The following NPEPL1 variants were observed in gnomAD, a reference collection of about 807,000 sequenced individuals.
NPEPL1 encodes probable aminopeptidase NPEPL1.
Under a neutral mutation model 52.4 loss-of-function variants are expected in NPEPL1, and 45 were observed. That is an observed-to-expected ratio of 0.86 (90% confidence interval 0.68 to 1.10). The LOEUF (loss-of-function observed/expected upper bound fraction) is 1.10. Among genes scored for constraint, NPEPL1 ranks in the 50% least tolerant of loss-of-function variants. The pLI is 0.00. For synonymous variants in NPEPL1, 360 were observed against 314.7 expected (o/e 1.14, Z -1.52); for missense variants, 696 against 710.9 (o/e 0.98, Z 0.24).
At chr20:58,693,980 G>A (rs2084408285) in intron 2 of NPEPL1, 58 bp downstream of exon 2, 8 of 1,468,624 alleles carry the variant, frequency 5.4e-6, no homozygotes, top group Non-Finnish European at 7.3e-6. Flanking sequence ...GGTGAGCTCG[G>A]GCCTGGGGAG....
At chr20:58,702,719 G>A (rs1020493736) in intron 6 of NPEPL1, among the ~76,000 whole-genome samples, 2 of 152,160 alleles carry the variant, frequency 1.3e-5, no homozygotes, top group Non-Finnish European at 2.9e-5. Flanking sequence ...TTCACTCATA[G>A]TTGGTCCAAG....
intron 3 of NPEPL1, among the ~76,000 whole-genome samples, chr20:58,695,017 G>GGGT (rs2084436194): frequency 5.4e-4 from 1 of 1,842 alleles, no homozygotes; most frequent in Non-Finnish European, 1.1e-3. Context: ...TGTGTGATGT[G>GGGT]TGTGTGTGTG....
chr20:58,697,246 C>T (rs764411445), intron 3 of NPEPL1, among the ~76,000 whole-genome samples: 3 of 152,234 alleles, frequency 2.0e-5, no homozygotes, highest in African/African-American at 4.8e-5. Context: ...GGAGGGCACC[C>T]GCAGCCCTGC....
chr20:58,703,828 C>T (rs1360432984), intron 6 of NPEPL1: 1 of 984,868 alleles, frequency 1.0e-6, no homozygotes, highest in Non-Finnish European at 1.2e-6. Context: ...GCTGGTAGAA[C>T]TGCCAGAGAG....
intron 3 of NPEPL1, among the ~76,000 whole-genome samples, chr20:58,696,152 C>T (rs1568848658): frequency 6.6e-6 from 1 of 152,214 alleles, no homozygotes; most frequent in Non-Finnish European, 1.5e-5. Flanking sequence ...CCGAGGACAG[C>T]AGGGCACCCT....
chr20:58,694,833 A>G (rs1390618378), intron 3 of NPEPL1, among the ~76,000 whole-genome samples: 3 of 152,210 alleles, frequency 2.0e-5, no homozygotes, highest in African/African-American at 7.2e-5. Context: ...TGAGCACGTA[A>G]TCAGTGCCAG....
intron 7 of NPEPL1, among the ~76,000 whole-genome samples, chr20:58,708,150 T>C (rs2084772202): frequency 6.6e-6 from 1 of 152,206 alleles, no homozygotes; most frequent in African/African-American, 2.4e-5. Flanking sequence ...TAGCCTACCT[T>C]TCTCAGGCCA....
intron 6 of NPEPL1, among the ~76,000 whole-genome samples, chr20:58,704,885 T>C (rs2084706922): frequency 6.6e-6 from 1 of 152,248 alleles, no homozygotes; most frequent in Non-Finnish European, 1.5e-5. Context: ...TTGGGCTCTG[T>C]GGCAGTTAAA....
chr20:58,699,226 G>T lies in NPEPL1; in HGVS notation c.627G>T (p.Gly209=). The T allele has an allele frequency of 6.2e-7, 1 of 1,604,582 alleles. No homozygotes were observed. The highest frequency in any genetic ancestry group is 1.3e-5 in the African/African-American group (1 of 74,932). The change falls in exon 5 of 12, where the codon GGG becomes GGT. Residue 209 remains glycine, a synonymous_variant. Coordinates refer to ENST00000356091, the MANE Select transcript of NPEPL1 (RefSeq NM_024663.4). ...TTAACAAAGTTGGAAAGGAGCTGGG[G>T]ATCATCCCAACCATCATCCGGGATG... ...EEINKVGKEL[G]IIPTIIRDEE...
chr20:58,702,042 A>C (rs2084637315), intron 6 of NPEPL1, among the ~76,000 whole-genome samples: 1 of 152,218 alleles, frequency 6.6e-6, no homozygotes, highest in South Asian at 2.1e-4. Flanking sequence ...GAGGGAGCAG[A>C]CTGGGAAGTA....
At chr20:58,691,161 A>C, upstream of NPEPL1, 1 of 703,100 alleles carries the variant, frequency 1.4e-6, no homozygotes, top group South Asian at 1.5e-5. Context: ...AGTCCTCTGG[A>C]GTGCCGTGTG....
At chr20:58,689,385 C>T (rs752357295), upstream of NPEPL1, among the ~76,000 whole-genome samples, 5 of 152,084 alleles carry the variant, frequency 3.3e-5, no homozygotes, top group Admixed American at 2.0e-4. Flanking sequence ...CTCAGCCTCC[C>T]GAGTAGCTGG....
intron 3 of NPEPL1, among the ~76,000 whole-genome samples, chr20:58,695,306 G>GTGTGTGTA (rs2084462614): frequency 1.9e-5 from 1 of 52,456 alleles, no homozygotes; most frequent in Non-Finnish European, 4.3e-5. Context: ...ATGAGTGCTA[G>GTGTGTGTA]TGTGTGCATG....
chr20:58,701,745 C>T (rs2084628234), intron 6 of NPEPL1, among the ~76,000 whole-genome samples: 1 of 152,080 alleles, frequency 6.6e-6, no homozygotes, highest in African/African-American at 2.4e-5. Context: ...TCAGAGTGGC[C>T]ACACAAGACC....
chr20:58,709,960 A>G (rs1166073513), intron 7 of NPEPL1, among the ~76,000 whole-genome samples: 2 of 150,170 alleles, frequency 1.3e-5, no homozygotes, highest in African/African-American at 4.9e-5. Context: ...CCTGCTGCCC[A>G]TTGTCCCATG....
intron 7 of NPEPL1, among the ~76,000 whole-genome samples, chr20:58,711,905 G>A (rs1212081906): frequency 1.3e-5 from 2 of 152,242 alleles, no homozygotes; most frequent in Non-Finnish European, 2.9e-5. Flanking sequence ...ACAGGGGTCT[G>A]GGAGCTCTAC....
upstream of NPEPL1, chr20:58,691,036 C>A (rs776253251): frequency 4.3e-6 from 3 of 699,586 alleles, no homozygotes; most frequent in African/African-American, 3.5e-5. Context: ...CCTCCCAGGA[C>A]TTCTCCCACG....
Position 58,713,522 on chromosome 20 carries a change from G to A in NPEPL1, c.1104G>A (p.Met368Ile), listed in dbSNP as rs368405305. 1 of 1,609,292 alleles carries A rather than the reference G, an allele frequency of 6.2e-7. No individual in the cohort carries two copies. The highest frequency in any genetic ancestry group is 1.1e-5 in the South Asian group (1 of 90,318). The change falls in exon 9 of 12, where the codon ATG becomes ATA. Residue 368 changes from methionine (M) to isoleucine (I), a missense_variant. Coordinates refer to ENST00000356091, the MANE Select transcript of NPEPL1 (RefSeq NM_024663.4). This position sits in a 1 kb window ranked among gnomAD's most constrained non-coding sequence, Gnocchi z 4.6. Reference sequence around the variant, plus strand: ...TGGGGGCCGACATCATCCTGGACATGGCCACCCTGACCGGGGCTCAGGTGA... The same window carrying A: ...TGGGGGCCGACATCATCCTGGACATAGCCACCCTGACCGGGGCTCAGGTGA... ...KDLGADIILDMATLTGAQGIA... is the reference protein window; with the variant it reads ...KDLGADIILDIATLTGAQGIA...
chr20:58,715,535 CTGTT>C lies in NPEPL1; in HGVS notation c.*214_*217del, dbSNP rs2084935303. On this transcript the variant is annotated 3_prime_UTR_variant, in exon 12 of 12. Transcript: ENST00000356091. Reference sequence around the variant, plus strand: ...GACCGGGAAGCGCTGGGGCTTGTTTCTGTTTGTTACTTACAGGACTGAGACATCT... The same window carrying C: ...GACCGGGAAGCGCTGGGGCTTGTTTCTGTTACTTACAGGACTGAGACATCT... 1.9e-6 allele frequency: 1 copy of C among 529,386 alleles called. No individual in the cohort carries two copies. 32.8% of individuals were successfully genotyped at this position (529,386 alleles called of 1,614,324 possible).
Sources: gnomAD v4.1 joint callset for allele counts (sites outside exome capture counted in the v4.1 genomes callset) on GRCh38, gnomAD v4.1.1 for gene constraint, Gnocchi (gnomAD v3.1) non-coding constraint, MANE v1.5 for transcripts, NCBI Gene and HGNC (gene_info 2026-07-23, HGNC 2026-07-21) for gene names.